GRIN2A: variants seen among roughly 807,000 people sequenced by gnomAD.
GRIN2A encodes the protein glutamate ionotropic receptor NMDA type subunit 2A.
GRIN2A carries 22 observed loss-of-function variants against 113.4 expected under a neutral mutation model. The ratio of observed to expected loss-of-function variants is 0.19; its 90% CI spans 0.14 to 0.28. The LOEUF is 0.28. Among genes scored for constraint, GRIN2A ranks in the 10% least tolerant of loss-of-function variants. The probability of loss-of-function intolerance (pLI) is 1.00; values close to 1 mark genes in which losing one functional copy is unlikely to be tolerated. For missense variants in GRIN2A, 1,502 were observed against 1,887.0 expected (o/e 0.80, Z 3.78); for synonymous variants, 827 against 738.4 (o/e 1.12, Z -1.94).
chr16:9,967,166 T>C (rs2045571130), intron 2 of GRIN2A, among the ~76,000 whole-genome samples: 1 of 152,150 alleles, frequency 6.6e-6, no homozygotes, highest in African/African-American at 2.4e-5. Flanking sequence ...GAATTATGCT[T>C]ACAATTGCAA....
At chr16:10,003,966 C>G (rs2046363988) in intron 2 of GRIN2A, among the ~76,000 whole-genome samples, 1 of 152,166 alleles carries the variant, frequency 6.6e-6, no homozygotes, top group African/African-American at 2.4e-5. Context: ...GGGAAGAAAT[C>G]TTGGAAAAGG....
chr16:10,157,152 G>C (rs994973658), intron 2 of GRIN2A, among the ~76,000 whole-genome samples: 3 of 152,174 alleles, frequency 2.0e-5, no homozygotes, highest in African/African-American at 7.2e-5. Context: ...TGGAATCAAA[G>C]CTCAGGTGGA....
intron 11 of GRIN2A, among the ~76,000 whole-genome samples, chr16:9,793,972 G>A (rs1320200881): frequency 1.3e-5 from 2 of 152,280 alleles, no homozygotes; most frequent in South Asian, 2.1e-4. Context: ...AAAAGACCAT[G>A]ATAACCCCTT....
At chr16:9,777,158 GA>G (rs144460087) in intron 11 of GRIN2A, among the ~76,000 whole-genome samples, 2,005 of 152,232 alleles carry the variant, frequency 0.013, 17 homozygotes, top group Non-Finnish European at 0.021. Flanking sequence ...GCAGCAGTGA[GA>G]AACTCATTCC....
chr16:10,015,509 A>AT (rs142077318), intron 2 of GRIN2A, among the ~76,000 whole-genome samples: 10,210 of 151,894 alleles, frequency 0.067, 747 homozygotes, highest in African/African-American at 0.18. Flanking sequence ...TAACAAAAAT[A>AT]TTTTTTTCAA....
At chr16:9,832,090 A>T (rs555074501) in intron 8 of GRIN2A, among the ~76,000 whole-genome samples, 27 of 55,796 alleles carry the variant, frequency 4.8e-4, no homozygotes, top group Middle Eastern at 0.015. Context: ...GGCTTATTTT[A>T]TTTATTTATT....
intron 10 of GRIN2A, among the ~76,000 whole-genome samples, chr16:9,798,824 G>T: frequency 6.6e-6 from 1 of 152,178 alleles, no homozygotes; most frequent in East Asian, 1.9e-4. Flanking sequence ...CCACTAAGGG[G>T]CAGAAGAATT....
chr16:9,807,381 GGAGGGAGA>G (rs1410928363), intron 10 of GRIN2A, among the ~76,000 whole-genome samples: 54 of 75,884 alleles, frequency 7.1e-4, no homozygotes, highest in Admixed American at 2.7e-3. Flanking sequence ...AGGGAGAGGG[GGAGGGAGA>G]GAGGGAGGGA....
chr16:9,829,699 C>A, intron 8 of GRIN2A, 47 bp from the exon 9 acceptor site: 4 of 1,417,906 alleles, frequency 2.8e-6, no homozygotes, highest in East Asian at 4.6e-5. Flanking sequence ...GAAAAAAATG[C>A]CTGTTTGTGT....
At chr16:10,142,331 T>A (rs1008541268) in intron 2 of GRIN2A, among the ~76,000 whole-genome samples, 1 of 152,082 alleles carries the variant, frequency 6.6e-6, no homozygotes, top group African/African-American at 2.4e-5. Context: ...AAAGAACAGA[T>A]AAATTAAAAA....
chr16:10,104,827 A>T (rs537375739), intron 2 of GRIN2A, among the ~76,000 whole-genome samples: 1 of 152,286 alleles, frequency 6.6e-6, no homozygotes, highest in African/African-American at 2.4e-5. Flanking sequence ...GTATGAGGAG[A>T]AACAGGACAG....
At chr16:10,096,030 G>A (rs1415887687) in intron 2 of GRIN2A, among the ~76,000 whole-genome samples, 2 of 152,018 alleles carry the variant, frequency 1.3e-5, no homozygotes, top group Non-Finnish European at 1.5e-5. Flanking sequence ...ACCTGCACAT[G>A]TACCCCTGAA....
At chr16:10,016,710 G>C (rs75076752) in intron 2 of GRIN2A, among the ~76,000 whole-genome samples, 2,497 of 152,310 alleles carry the variant, frequency 0.016, 38 homozygotes, top group South Asian at 0.064. Flanking sequence ...TTCATGCACT[G>C]CTTCTCCACA....
chr16:10,132,466 T>G lies in GRIN2A; in HGVS notation c.414+47532A>C, dbSNP rs2049086186. On this transcript the variant is annotated intron_variant, in intron 2 of 12. Coordinates refer to ENST00000330684, the MANE Select transcript of GRIN2A (RefSeq NM_001134407.3). ...TGCACCTAAACAGGTGCTATACCACTTACCACTAGGTCATCCTACGTCAAA... is the reference window on the plus strand; with the variant it reads ...TGCACCTAAACAGGTGCTATACCACGTACCACTAGGTCATCCTACGTCAAA... Among the ~76,000 whole-genome samples the G allele has an allele frequency of 1.3e-5, 2 of 152,130 alleles. 1 individual carries two copies. The highest frequency in any genetic ancestry group is 4.2e-4 in the South Asian group (2 of 4,812).
intron 2 of GRIN2A, among the ~76,000 whole-genome samples, chr16:10,132,205 G>A (rs2049078734): frequency 6.6e-6 from 1 of 151,972 alleles, no homozygotes; most frequent in Non-Finnish European, 1.5e-5. Context: ...GGTGGTGCAT[G>A]CCTGTAATCC....
At chr16:10,040,877 G>C (rs1431723217) in intron 2 of GRIN2A, among the ~76,000 whole-genome samples, 1 of 152,238 alleles carries the variant, frequency 6.6e-6, no homozygotes, top group African/African-American at 2.4e-5. Context: ...ATGAGCCGTC[G>C]TATCTATGCT....
intron 2 of GRIN2A, among the ~76,000 whole-genome samples, chr16:10,109,844 T>A (rs1034544830): frequency 6.6e-6 from 1 of 152,086 alleles, no homozygotes; most frequent in Non-Finnish European, 1.5e-5. Context: ...AAACATCTCA[T>A]GTACCCCATA....
At chr16:9,933,039 A>G (rs2044632899) in intron 3 of GRIN2A, among the ~76,000 whole-genome samples, 2 of 152,220 alleles carry the variant, frequency 1.3e-5, no homozygotes, top group East Asian at 3.8e-4. Flanking sequence ...TTGGGAGTTA[A>G]CAGTGACATG....
intron 2 of GRIN2A, among the ~76,000 whole-genome samples, chr16:10,017,639 A>G (rs2046635478): frequency 6.6e-6 from 1 of 152,188 alleles, no homozygotes; most frequent in Non-Finnish European, 1.5e-5. Flanking sequence ...AAGCATAAGA[A>G]TGAGCCTGAG....
Sources: gnomAD v4.1 joint callset for allele counts (sites outside exome capture counted in the v4.1 genomes callset) on GRCh38, gnomAD v4.1.1 for gene constraint, MANE v1.5 for transcripts, NCBI Gene and HGNC (gene_info 2026-07-23, HGNC 2026-07-21) for gene names.